ELOC: variants seen among roughly 807,000 people sequenced by gnomAD.
ELOC encodes elongin C.
For synonymous variants in ELOC, 40 were observed against 51.3 expected, an observed-to-expected ratio of 0.78 and a Z score of 0.94; for missense variants, 38 against 139.0, an observed-to-expected ratio of 0.27 and a Z score of 3.65.
chr8:73,949,357 A>C (rs1473205109), intron 3 of ELOC, among the ~76,000 whole-genome samples: 1 of 152,244 alleles, frequency 6.6e-6, no homozygotes. Context: ...GCACTTATTA[A>C]GACTTTGATA....
rs375557296 is a variant in ELOC at position 73,951,461 on chromosome 8, T to G, written c.148+4450A>C. On this transcript the variant is annotated intron_variant, in intron 3 of 3. Coordinates refer to ENST00000520242, the MANE Select transcript of ELOC (RefSeq NM_005648.4). Reference sequence around the variant, plus strand: ...TGGGAGGACTGCTTGAGGCCAGGAGTTCAAGACCAACCTGGGCAACATCGC... The same window carrying G: ...TGGGAGGACTGCTTGAGGCCAGGAGGTCAAGACCAACCTGGGCAACATCGC... Among the ~76,000 whole-genome samples, 56 of 150,852 alleles carry G rather than the reference T, an allele frequency of 3.7e-4. 3 individuals are homozygous for G. In the South Asian group the frequency reaches 0.012, roughly 32 times the overall value.
intron 2 of ELOC, among the ~76,000 whole-genome samples, chr8:73,957,030 G>A (rs1012723368): frequency 1.3e-5 from 2 of 152,014 alleles, no homozygotes; most frequent in Non-Finnish European, 2.9e-5. Context: ...AAAATTAGCT[G>A]GGCGTGGTGG....
intron 2 of ELOC, among the ~76,000 whole-genome samples, chr8:73,958,896 C>T (rs1425999476): frequency 1.3e-5 from 2 of 152,138 alleles, no homozygotes; most frequent in Non-Finnish European, 2.9e-5. Flanking sequence ...TAAGAGTGTA[C>T]TTACTAAATC....
intron 1 of ELOC, among the ~76,000 whole-genome samples, chr8:73,965,378 G>C (rs1360694643): frequency 1.4e-5 from 2 of 142,120 alleles, no homozygotes; most frequent in African/African-American, 5.0e-5. Context: ...ATACACTGCT[G>C]ATGGGGAGTC....
In ELOC at chr8:73,946,875, A is replaced by G. The variant is rs542496935; in HGVS notation, c.149-55T>C. 1.7e-5 allele frequency: 25 copies of G among 1,497,164 alleles called. 1 individual carries two copies. The highest frequency in any genetic ancestry group is 3.5e-4 in the Middle Eastern group (2 of 5,734). The allele number at this position is 1,497,164 out of a possible 1,614,324, so 92.7% of individuals were successfully genotyped here. ...TGGCTGAATTGTGTCCTCCAAATTCATATGTTGAAGTCTTAACCCCTTGTA... is the reference window on the plus strand; with the variant it reads ...TGGCTGAATTGTGTCCTCCAAATTCGTATGTTGAAGTCTTAACCCCTTGTA... On this transcript the variant is annotated intron_variant, in intron 3 of 3. Transcript: ENST00000520242.
chr8:73,968,158 C>G (rs1482154112), intron 1 of ELOC, among the ~76,000 whole-genome samples: 1 of 152,192 alleles, frequency 6.6e-6, no homozygotes, highest in Non-Finnish European at 1.5e-5. Context: ...CTCTGTTTGA[C>G]ATTTCTATCT....
At chr8:73,961,949 G>A (rs1814634841) in intron 1 of ELOC, among the ~76,000 whole-genome samples, 1 of 152,156 alleles carries the variant, frequency 6.6e-6, no homozygotes, top group Non-Finnish European at 1.5e-5. Context: ...AGGCTGGAGT[G>A]CAGTGGCGTG....
At chr8:73,950,970 A>G (rs1813715417) in intron 3 of ELOC, among the ~76,000 whole-genome samples, 1 of 152,192 alleles carries the variant, frequency 6.6e-6, no homozygotes. Flanking sequence ...TAATGACACA[A>G]CTTAAGATTG....
intron 3 of ELOC, among the ~76,000 whole-genome samples, chr8:73,954,576 C>T (rs1211255505): frequency 4.0e-5 from 6 of 150,236 alleles, no homozygotes; most frequent in South Asian, 2.1e-4. Context: ...CACTTGAACC[C>T]GGGAGGCGAA....
At chr8:73,967,887 C>G (rs1317924675) in intron 1 of ELOC, among the ~76,000 whole-genome samples, 1 of 152,212 alleles carries the variant, frequency 6.6e-6, no homozygotes, top group Non-Finnish European at 1.5e-5. Context: ...CAGATGTGGC[C>G]TGTGGTTCTA....
In ELOC at chr8:73,964,246, C is replaced by CAAAA. The variant is rs560289242; in HGVS notation, c.-50-4432_-50-4429dup. ...TGTTTCATATCAACTTATAAATGGC[C>CAAAA]AAAAAAAAAAAAAAAAAAGATAAGC... is the stretch of plus-strand genomic sequence containing the variant. On this transcript the variant is annotated intron_variant, in intron 1 of 3. Transcript: ENST00000520242. Among the ~76,000 whole-genome samples, 154 of 81,964 alleles carry CAAAA rather than the reference C, an allele frequency of 1.9e-3. 2 individuals carry two copies. Among genetic ancestry groups the CAAAA allele is most frequent in the East Asian group, 5.3e-3 (14 of 2,646 alleles). The allele number at this position is 81,964 out of a possible 152,430, so 53.8% of individuals were successfully genotyped here. A position where few individuals can be genotyped will look rare whatever the true frequency, so the allele number is the denominator to read the frequency against.
chr8:73,954,969 G>C (rs1814052846), intron 3 of ELOC, among the ~76,000 whole-genome samples: 1 of 149,864 alleles, frequency 6.7e-6, no homozygotes, highest in African/African-American at 2.5e-5. Flanking sequence ...GGAAGGCGGA[G>C]GTTGCAGTGA....
At chr8:73,971,657 T>G (rs1815412027) in intron 1 of ELOC, among the ~76,000 whole-genome samples, 1 of 151,926 alleles carries the variant, frequency 6.6e-6, no homozygotes, top group Non-Finnish European at 1.5e-5. Flanking sequence ...GAAGGTAAAC[T>G]TCTCGGGTAC....
intron 1 of ELOC, among the ~76,000 whole-genome samples, chr8:73,970,008 G>A (rs1381248132): frequency 6.6e-6 from 1 of 152,192 alleles, no homozygotes; most frequent in Admixed American, 6.5e-5. Context: ...GACCATAGCT[G>A]GCCAGATTTG....
chr8:73,950,012 G>A (rs1813639658), intron 3 of ELOC, among the ~76,000 whole-genome samples: 1 of 152,038 alleles, frequency 6.6e-6, no homozygotes, highest in African/African-American at 2.4e-5. Flanking sequence ...AGGAGTGGGG[G>A]GTACAATTCA....
intron 3 of ELOC, among the ~76,000 whole-genome samples, chr8:73,950,852 T>C (rs1051060079): frequency 1.3e-5 from 2 of 152,226 alleles, no homozygotes; most frequent in East Asian, 3.8e-4. Context: ...GTAAAATTAA[T>C]GGCCTGCCTG....
At chr8:73,966,803 ATAG>A (rs1815008822) in intron 1 of ELOC, among the ~76,000 whole-genome samples, 1 of 152,028 alleles carries the variant, frequency 6.6e-6, no homozygotes, top group African/African-American at 2.4e-5. Flanking sequence ...GCCTAATATA[ATAG>A]TAAACAACAC....
chr8:73,956,139 G>A (rs72661849), intron 2 of ELOC, 85 bp from the exon 3 acceptor site: 350,260 of 1,303,440 alleles, frequency 0.27, 49,750 homozygotes, highest in Non-Finnish European at 0.29. Context: ...AGTGGCTCAC[G>A]CCTGTAATCC....
chr8:73,956,327 G>A (rs1240063433), intron 2 of ELOC, among the ~76,000 whole-genome samples: 1 of 152,188 alleles, frequency 6.6e-6, no homozygotes, highest in Non-Finnish European at 1.5e-5. Flanking sequence ...GGAGGCTGCA[G>A]TGAGCCGAGA....
Sources: gnomAD v4.1 joint callset for allele counts (sites outside exome capture counted in the v4.1 genomes callset) on GRCh38, gnomAD v4.1.1 for gene constraint, MANE v1.5 for transcripts, NCBI Gene and HGNC (gene_info 2026-07-23, HGNC 2026-07-21) for gene names.